UTP20: variants seen among roughly 807,000 people sequenced by gnomAD.
UTP20 encodes the protein small subunit processome component 20 homolog.
In UTP20, 164 loss-of-function variants were observed where a neutral mutation model predicts 329.5. The ratio of observed to expected loss-of-function variants is 0.50; its 90% CI spans 0.44 to 0.57. The LOEUF (loss-of-function observed/expected upper bound fraction) is 0.57. Ranked by LOEUF, UTP20 falls within the 20% of genes least tolerant of loss-of-function variation. The pLI is 0.00. For synonymous variants in UTP20, 1,151 were observed against 1,159.3 expected (o/e 0.99, Z 0.14); for missense variants, 3,055 against 3,284.2 (o/e 0.93, Z 1.71).
In UTP20 at chr12:101,364,246, T is replaced by G. The variant is rs148237726; in HGVS notation, c.5958+503T>G. ...AACATAGCAAGACCCTGTCTCTATT[T>G]AAAAATGTATATTTACATTTACAAA... On this transcript the variant is annotated intron_variant, in intron 45 of 61. Transcript: ENST00000261637. Among the ~76,000 whole-genome samples, 806 of 152,292 alleles carry G rather than the reference T, an allele frequency of 5.3e-3. 7 individuals carry two copies. Among genetic ancestry groups the G allele is most frequent in the African/African-American group, 0.019 (776 of 41,554 alleles).
chr12:101,339,810 G>T (rs1869060006), intron 31 of UTP20, among the ~76,000 whole-genome samples: 1 of 152,212 alleles, frequency 6.6e-6, no homozygotes, highest in Admixed American at 6.5e-5. Context: ...ACAAGGCTTA[G>T]TTGTTGAAAA....
chr12:101,334,412 C>T lies in UTP20; in HGVS notation c.3562-13C>T, dbSNP rs768386333. The stretch of plus-strand genomic sequence containing the variant: ...TATGTATTTGGTATTCTGTTTTTTA[C>T]TTTGTCTCCTAGATCAGCAGGCTTG... On this transcript the variant is annotated splice_polypyrimidine_tract_variant and intron_variant, in intron 28 of 61. Coordinates refer to ENST00000261637, the MANE Select transcript of UTP20 (RefSeq NM_014503.3). The T allele has an allele frequency of 3.1e-6, 5 of 1,607,642 alleles. No individual in the cohort carries two copies. The highest frequency in any genetic ancestry group is 1.1e-5 in the South Asian group (1 of 90,412).
rs150670869 is a variant in UTP20, at chr12:101,373,373, A to G, written c.6879-28A>G. The G allele has an allele frequency of 8.6e-5, 137 of 1,597,336 alleles. No homozygotes were observed. In the African/African-American group the frequency reaches 1.7e-3, roughly 19 times the overall value. On this transcript the variant is annotated intron_variant, in intron 52 of 61. Coordinates refer to ENST00000261637, the MANE Select transcript of UTP20 (RefSeq NM_014503.3). ...TTATTTGTAAATTTAGAAGATACTA[A>G]CAAATCCACCTAATGTCCTTCCCCT...
At chr12:101,371,003 A>G in intron 50 of UTP20, 55 bp from the exon 51 acceptor site, 3 of 1,490,520 alleles carry the variant, frequency 2.0e-6, no homozygotes, top group Non-Finnish European at 2.8e-6. Flanking sequence ...ATCTGCTTCC[A>G]CGCATCTGCA....
In UTP20 at chr12:101,342,816, A is replaced by C. The variant is rs760944434; in HGVS notation, c.4275A>C (p.Lys1425Asn). 5 of 1,613,540 alleles carry C rather than the reference A, an allele frequency of 3.1e-6. No individual in the cohort carries two copies. The highest frequency in any genetic ancestry group is 4.2e-6 in the Non-Finnish European group (5 of 1,179,708). The stretch of plus-strand genomic sequence containing the variant: ...TTTCTGATTTTGAGAGTGGGTTAAA[A>C]TATATTACTGATGTTGTCAAGGTAA... ...ETLSDFESGL[K>N]YITDVVKLNA... The change falls in exon 34 of 62, where the codon AAA becomes AAC. Residue 1425 changes from lysine to asparagine, a missense_variant. Lys to Asn is a moderately conservative substitution (Grantham distance 94, BLOSUM62 0). Coordinates refer to ENST00000261637, the MANE Select transcript of UTP20 (RefSeq NM_014503.3).
At chr12:101,379,601 G>A (rs368390028) in intron 57 of UTP20, 43 bp downstream of exon 57, 53 of 1,568,082 alleles carry the variant, frequency 3.4e-5, no homozygotes, top group Non-Finnish European at 4.4e-5. Flanking sequence ...GTGACTGTAA[G>A]ATGTTCCTTC....
Position 101,379,576 on chromosome 12 carries a change from C to A in UTP20, c.7584+18C>A, listed in dbSNP as rs183835525. On this transcript the variant is annotated intron_variant, in intron 57 of 61. Coordinates refer to ENST00000261637, the MANE Select transcript of UTP20 (RefSeq NM_014503.3). ...ACCAAAAGGTAAGCTTTCTCTCAAACCTTTTCCTTCCCTCGTGACTGTAAG... is the reference window on the plus strand; with the variant it reads ...ACCAAAAGGTAAGCTTTCTCTCAAAACTTTTCCTTCCCTCGTGACTGTAAG... The A allele has an allele frequency of 6.3e-7, 1 of 1,599,588 alleles. No homozygotes were observed. Among genetic ancestry groups the A allele is most frequent in the Non-Finnish European group, 8.5e-7 (1 of 1,170,620 alleles).
chr12:101,385,656 A>C lies in UTP20; in HGVS notation c.8130A>C (p.Ser2710=), dbSNP rs745773569. The change falls in exon 61 of 62, where the codon TCA becomes TCC. Residue 2710 remains serine, a synonymous_variant. Transcript: ENST00000261637. ...LKKLVGLESF[S]LAFASVQKQA... Reference sequence around the variant, plus strand: ...AGCTGGTTGGGCTTGAGAGCTTCTCATTAGCCTTTGCCTCTGTACAGAAAC... The same window carrying C: ...AGCTGGTTGGGCTTGAGAGCTTCTCCTTAGCCTTTGCCTCTGTACAGAAAC... 3.7e-5 allele frequency: 59 copies of C among 1,613,888 alleles called. No homozygotes were observed. Among genetic ancestry groups the C allele is most frequent in the Non-Finnish European group, 4.8e-5 (57 of 1,179,982 alleles).
intron 27 of UTP20, among the ~76,000 whole-genome samples, chr12:101,333,061 G>A (rs1868811947): frequency 6.6e-6 from 1 of 152,172 alleles, no homozygotes; most frequent in African/African-American, 2.4e-5. Context: ...TTTTTCTTAA[G>A]GATAACTAGT....
chr12:101,305,892 G>T, intron 15 of UTP20, 23 bp from the exon 16 acceptor site: 13 of 1,579,244 alleles, frequency 8.2e-6, no homozygotes, highest in Non-Finnish European at 1.1e-5. Context: ...TACAGTTTGG[G>T]TCTAATGAAC....
chr12:101,386,339 T>C lies in UTP20; in HGVS notation c.*216T>C, dbSNP rs914216447. 7.2e-5 allele frequency: 31 copies of C among 431,150 alleles called. No homozygotes were observed. Among genetic ancestry groups the C allele is most frequent in the African/African-American group, 6.4e-4 (31 of 48,254 alleles). The allele number at this position is 431,150 out of a possible 1,614,324, so 26.7% of individuals were successfully genotyped here. A position where few individuals can be genotyped will look rare whatever the true frequency, so the allele number is the denominator to read the frequency against. Reference sequence around the variant, plus strand: ...CTCTCACCTCAGCCTCCCAAGTAGTTGTGCCTCCTAGGCACACAACACTAT... The same window carrying C: ...CTCTCACCTCAGCCTCCCAAGTAGTCGTGCCTCCTAGGCACACAACACTAT... On this transcript the variant is annotated 3_prime_UTR_variant, in exon 62 of 62. Coordinates refer to ENST00000261637, the MANE Select transcript of UTP20 (RefSeq NM_014503.3).
At chr12:101,319,979 T>C (rs191986133) in intron 23 of UTP20, among the ~76,000 whole-genome samples, 1 of 152,330 alleles carries the variant, frequency 6.6e-6, no homozygotes, top group African/African-American at 2.4e-5. Flanking sequence ...CCTTCTAGTT[T>C]AGTCAGACTT....
chr12:101,386,211 C>CT lies in UTP20; in HGVS notation c.*88_*89insT. On this transcript the variant is annotated 3_prime_UTR_variant, in exon 62 of 62. Coordinates refer to ENST00000261637, the MANE Select transcript of UTP20 (RefSeq NM_014503.3). ...TAGGTTGTCTGGGGTAGGGGGGAGGCGTTTTTTTTTTTTTTTGAGACAAGG... is the reference window on the plus strand; with the variant it reads ...TAGGTTGTCTGGGGTAGGGGGGAGGCTGTTTTTTTTTTTTTTTGAGACAAGG... The CT allele has an allele frequency of 1.8e-5, 21 of 1,153,250 alleles. No individual in the cohort carries two copies. Among genetic ancestry groups the CT allele is most frequent in the Admixed American group, 2.7e-5 (1 of 36,684 alleles). The allele number at this position is 1,153,250 out of a possible 1,614,324, so 71.4% of individuals were successfully genotyped here.
In UTP20 at chr12:101,285,830, T is replaced by C; in HGVS notation, c.275T>C (p.Leu92Ser). ...CACCAAAACGAGATAGTTCAGAGTT[T>C]GAAGACTCACCTGCAAGTTAAGAAC... is the stretch of plus-strand genomic sequence containing the variant. The part of the protein sequence containing the change: ...VYHQNEIVQS[L>S]KTHLQVKNSF... Residue 92 changes from leucine to serine, a missense_variant, in exon 4 of 62, where the codon TTG becomes TCG. Physicochemically the swap from Leu to Ser is moderately radical, Grantham distance 145. Transcript: ENST00000261637. 1.2e-6 allele frequency: 2 copies of C among 1,613,930 alleles called. No homozygotes were observed. The highest frequency in any genetic ancestry group is 1.7e-6 in the Non-Finnish European group (2 of 1,179,912).
intron 21 of UTP20, among the ~76,000 whole-genome samples, chr12:101,315,795 A>T (rs1293306054): frequency 6.6e-6 from 1 of 152,214 alleles, no homozygotes; most frequent in Non-Finnish European, 1.5e-5. Context: ...TGTTAGTAGC[A>T]TATAAACTTC....
chr12:101,371,163 A>C lies in UTP20; in HGVS notation c.6793A>C (p.Arg2265=), dbSNP rs1870274423. The change falls in exon 51 of 62, where the codon AGA becomes CGA. Residue 2265 remains arginine, a synonymous_variant. Transcript: ENST00000261637. ...AAGCGAACCTGCCAGGGTCCAGTGT[A>C]GACAGGTTTGTAGAGAGCACTTATC... ...AQSEPARVQC[R]QVFLKYILDY... 2 of 1,612,876 alleles carry C rather than the reference A, an allele frequency of 1.2e-6. No homozygotes were observed. The highest frequency in any genetic ancestry group is 2.7e-5 in the African/African-American group (2 of 74,994).
chr12:101,290,259 C>T lies in UTP20; in HGVS notation c.720C>T (p.His240=). 4 of 1,606,352 alleles carry T rather than the reference C, an allele frequency of 2.5e-6. No individual in the cohort carries two copies. The highest frequency in any genetic ancestry group is 2.2e-5 in the East Asian group (1 of 44,670). ...EMCKGVRNMF[H]SCTGQAVKLI... is the part of the protein sequence containing the mutation. ...GCAAAGGAGTTAGAAATATGTTTCA[C>T]TCCTGTACAGGCCAGGTACATAATG... Residue 240 remains histidine (H), a synonymous_variant, in exon 7 of 62, where the codon CAC becomes CAT. Transcript: ENST00000261637.
At chr12:101,373,366 G>A in intron 52 of UTP20, 35 bp from the exon 53 acceptor site, 1 of 1,556,516 alleles carries the variant, frequency 6.4e-7, no homozygotes. Flanking sequence ...AAATTTAGAA[G>A]ATACTAACAA....
At chr12:101,301,360 C>T (rs1253138633) in intron 14 of UTP20, among the ~76,000 whole-genome samples, 3 of 151,274 alleles carry the variant, frequency 2.0e-5, no homozygotes, top group African/African-American at 7.3e-5. Flanking sequence ...CCCCGCCCAA[C>T]TCTGACTCTC....
Sources: allele counts gnomAD v4.1 joint callset (sites outside exome capture counted in the v4.1 genomes callset), GRCh38; gene constraint gnomAD v4.1.1; transcripts MANE v1.5; gene names NCBI Gene and HGNC (gene_info 2026-07-23, HGNC 2026-07-21).